ZNF521: variants seen among roughly 807,000 people sequenced by gnomAD.
ZNF521 encodes the protein LYST-interacting protein 3.
In ZNF521, 14 loss-of-function variants were observed where a neutral mutation model predicts 105.5. The observed-to-expected ratio is 0.13, with a 90% confidence interval of 0.09 to 0.21. The LOEUF is 0.21. ZNF521 is among the 10% of genes least tolerant of loss of function. The pLI is 1.00. For missense variants in ZNF521, 1,233 were observed against 1,629.7 expected (o/e 0.76, Z 4.19); for synonymous variants, 635 against 606.0 (o/e 1.05, Z -0.70).
At chr18:25,204,426 A>AC (rs1434394820) in intron 4 of ZNF521, among the ~76,000 whole-genome samples, 12 of 152,282 alleles carry the variant, frequency 7.9e-5, no homozygotes, top group Admixed American at 2.0e-4. Context: ...GAAAAATCTG[A>AC]CAGGTATGCA....
At chr18:25,158,304 T>G (rs879299099) in intron 5 of ZNF521, among the ~76,000 whole-genome samples, 1 of 152,036 alleles carries the variant, frequency 6.6e-6, no homozygotes, top group African/African-American at 2.4e-5. Context: ...TTGCATAAAT[T>G]TTTTAAAAGG....
intron 5 of ZNF521, among the ~76,000 whole-genome samples, chr18:25,188,226 T>C (rs755119012): frequency 1.3e-5 from 2 of 152,066 alleles, no homozygotes; most frequent in Non-Finnish European, 2.9e-5. Flanking sequence ...TACCTTGCAA[T>C]CTTGGCAGGT....
chr18:25,322,897 T>C (rs1278709079), intron 2 of ZNF521, among the ~76,000 whole-genome samples: 1 of 152,168 alleles, frequency 6.6e-6, no homozygotes, highest in Admixed American at 6.5e-5. Flanking sequence ...ATTACCAATG[T>C]TGAAAAGCTA....
At chr18:25,344,203 T>TCAAAAA (rs1914358191) in intron 2 of ZNF521, among the ~76,000 whole-genome samples, 3 of 76,338 alleles carry the variant, frequency 3.9e-5, no homozygotes, top group Non-Finnish European at 8.1e-5. Flanking sequence ...AAGTTTTTTA[T>TCAAAAA]TAAAAAAAAA....
intron 5 of ZNF521, among the ~76,000 whole-genome samples, chr18:25,170,126 T>C (rs971464060): frequency 1.3e-5 from 2 of 152,026 alleles, no homozygotes; most frequent in Admixed American, 1.3e-4. Context: ...CTTTCTTTTT[T>C]TTTTTTAAGG....
chr18:25,245,701 A>G (rs983742298), intron 3 of ZNF521, among the ~76,000 whole-genome samples: 8 of 152,182 alleles, frequency 5.3e-5, no homozygotes, highest in Non-Finnish European at 1.2e-4. Flanking sequence ...TTTAAAATGT[A>G]CATATTACAT....
At chr18:25,188,945 T>C (rs1041685507) in intron 5 of ZNF521, among the ~76,000 whole-genome samples, 15 of 152,230 alleles carry the variant, frequency 9.9e-5, no homozygotes, top group Admixed American at 9.8e-4. Context: ...TAGCACGCTA[T>C]CTTTGGGGTT....
chr18:25,202,313 C>A (rs2036006465), intron 4 of ZNF521: 1 of 152,084 alleles, frequency 6.6e-6, no homozygotes, highest in Non-Finnish European at 1.5e-5. Flanking sequence ...TAAGAATAAT[C>A]AAATAAAAAA....
At chr18:25,315,074 G>T (rs1912526206) in intron 3 of ZNF521, among the ~76,000 whole-genome samples, 1 of 152,190 alleles carries the variant, frequency 6.6e-6, no homozygotes, top group Admixed American at 6.5e-5. Context: ...GGCAAGAAAT[G>T]ATAGGGTTTG....
chr18:25,170,542 G>C (rs973989430), intron 5 of ZNF521, among the ~76,000 whole-genome samples: 1 of 152,092 alleles, frequency 6.6e-6, no homozygotes, highest in Non-Finnish European at 1.5e-5. Context: ...ACTACACTAA[G>C]TGATGAGTCT....
At chr18:25,140,110 C>T (rs1164869118) in intron 5 of ZNF521, among the ~76,000 whole-genome samples, 2 of 152,022 alleles carry the variant, frequency 1.3e-5, no homozygotes, top group Admixed American at 6.6e-5. Flanking sequence ...ACAAAGACAC[C>T]GGGTGAAAGG....
intron 4 of ZNF521, among the ~76,000 whole-genome samples, chr18:25,204,142 C>T (rs2036039145): frequency 1.3e-5 from 2 of 152,118 alleles, no homozygotes; most frequent in African/African-American, 2.4e-5. Flanking sequence ...GCCAATTAAG[C>T]CACTTTTCTT....
chr18:25,266,446 CG>C (rs1909256064), intron 3 of ZNF521, among the ~76,000 whole-genome samples: 1 of 152,142 alleles, frequency 6.6e-6, no homozygotes, highest in South Asian at 2.1e-4. Context: ...TACTATAAAT[CG>C]GATTTGCTGG....
intron 4 of ZNF521, among the ~76,000 whole-genome samples, chr18:25,213,549 T>C (rs1555648037): frequency 6.6e-6 from 1 of 152,110 alleles, no homozygotes; most frequent in Non-Finnish European, 1.5e-5. Context: ...CTACTAATAC[T>C]TTGTTCAAAA....
At chr18:25,276,017 A>G (rs549824330) in intron 3 of ZNF521, among the ~76,000 whole-genome samples, 56 of 152,316 alleles carry the variant, frequency 3.7e-4, no homozygotes, top group Middle Eastern at 3.4e-3. Flanking sequence ...CTTACTTTCA[A>G]GGGCTAACTT....
chr18:25,194,936 G>C (rs1367531108), intron 5 of ZNF521, among the ~76,000 whole-genome samples: 1 of 151,416 alleles, frequency 6.6e-6, no homozygotes, highest in Non-Finnish European at 1.5e-5. Context: ...GTTTTGACTG[G>C]CAGTAGATAT....
At chr18:25,222,901 A>G (rs1251598614) in intron 4 of ZNF521, among the ~76,000 whole-genome samples, 1 of 152,204 alleles carries the variant, frequency 6.6e-6, no homozygotes, top group Non-Finnish European at 1.5e-5. Context: ...TGATACCTGC[A>G]ACTTTCTTTC....
chr18:25,160,138 C>T (rs965789435), intron 5 of ZNF521, among the ~76,000 whole-genome samples: 1 of 152,124 alleles, frequency 6.6e-6, no homozygotes, highest in Non-Finnish European at 1.5e-5. Context: ...GATTAGCCAT[C>T]AGGGGGTTAT....
chr18:25,225,982 G>A lies in ZNF521; in HGVS notation c.1936C>T (p.Leu646=). Residue 646 remains leucine (L), a synonymous_variant, in exon 4 of 8, where the codon CTA becomes TTA. Coordinates refer to ENST00000361524, the MANE Select transcript of ZNF521 (RefSeq NM_015461.3). The surrounding 1 kb of genome is among the most constrained non-coding windows in gnomAD (Gnocchi z 5.6). ...TTTAGGTGAGTCTGAAAGCTGTCTA[G>A]GGATGTGTACTTAGCACCACATTGA... is the stretch of plus-strand genomic sequence containing the variant. ...CNQCGAKYTS[L]DSFQTHLKTH... The A allele has an allele frequency of 6.8e-6, 11 of 1,614,188 alleles. No homozygotes were observed. The highest frequency in any genetic ancestry group is 7.6e-6 in the Non-Finnish European group (9 of 1,180,036).
Sources: gnomAD v4.1 joint callset for allele counts (sites outside exome capture counted in the v4.1 genomes callset) on GRCh38, gnomAD v4.1.1 for gene constraint, Gnocchi (gnomAD v3.1) non-coding constraint, MANE v1.5 for transcripts, NCBI Gene and HGNC (gene_info 2026-07-23, HGNC 2026-07-21) for gene names.